IL20RB: variants seen among roughly 807,000 people sequenced by gnomAD.
The protein encoded by IL20RB is interleukin-20 receptor subunit beta.
IL20RB carries 21 observed loss-of-function variants against 33.3 expected under a neutral mutation model. That is an observed-to-expected ratio of 0.63 (90% confidence interval 0.45 to 0.91). The LOEUF (loss-of-function observed/expected upper bound fraction) is 0.91. Ranked by LOEUF, IL20RB falls within the 40% of genes least tolerant of loss-of-function variation. The pLI is 0.00. For synonymous variants in IL20RB, 147 were observed against 146.8 expected, an observed-to-expected ratio of 1.00 and a Z score of -0.01; for missense variants, 345 against 384.8, an observed-to-expected ratio of 0.90 and a Z score of 0.86.
At chr3:136,963,616 G>T (rs184872332) in intron 1 of IL20RB, among the ~76,000 whole-genome samples, 63 of 150,704 alleles carry the variant, frequency 4.2e-4, no homozygotes, top group African/African-American at 1.5e-3. Context: ...TTTTAGATTG[G>T]ATTGTTTGAT....
chr3:136,981,949 A>T (rs994468548), intron 2 of IL20RB: 4 of 386,150 alleles, frequency 1.0e-5, no homozygotes, highest in Non-Finnish European at 1.9e-5. Flanking sequence ...AGACACATTG[A>T]TGTTTATGCC....
intron 1 of IL20RB, among the ~76,000 whole-genome samples, chr3:136,967,455 CTTCT>C (rs1316051508): frequency 6.4e-5 from 3 of 47,150 alleles, no homozygotes; most frequent in African/African-American, 8.9e-5. Context: ...ATGTAATGGC[CTTCT>C]TTGTCTCTTT....
At chr3:136,996,763 C>T (rs1942138045) in intron 6 of IL20RB, among the ~76,000 whole-genome samples, 1 of 152,156 alleles carries the variant, frequency 6.6e-6, no homozygotes, top group African/African-American at 2.4e-5. Context: ...TAAAGCTTGG[C>T]AGTGTCCTTT....
At chr3:136,985,579 C>T (rs768948124) in intron 3 of IL20RB, among the ~76,000 whole-genome samples, 15 of 152,194 alleles carry the variant, frequency 9.9e-5, no homozygotes, top group Admixed American at 2.6e-4. Flanking sequence ...TCAGGTGATC[C>T]GCCCACCTCA....
chr3:137,000,052 G>A (rs1942210826), intron 6 of IL20RB, among the ~76,000 whole-genome samples: 1 of 152,096 alleles, frequency 6.6e-6, no homozygotes, highest in South Asian at 2.1e-4. Flanking sequence ...TGTATGTCTA[G>A]TGATTTTGGA....
chr3:136,995,306 G>A (rs1235120878), intron 5 of IL20RB, 108 bp from the exon 6 acceptor site: 40 of 1,299,616 alleles, frequency 3.1e-5, no homozygotes, highest in East Asian at 2.3e-4. Context: ...GTTATCTGCC[G>A]TCTTAGCCAA....
rs1167098943 is a variant in IL20RB at position 137,010,341 on chromosome 3, G to A, written c.*118G>A. Reference sequence around the variant, plus strand: ...ACAAGGGATGAGAGAAGTAGGAAGAGCCTGTTGTCTACAAGTCTAGAAGCA... The same window carrying A: ...ACAAGGGATGAGAGAAGTAGGAAGAACCTGTTGTCTACAAGTCTAGAAGCA... On this transcript the variant is annotated 3_prime_UTR_variant, in exon 7 of 7. Coordinates refer to ENST00000329582, the MANE Select transcript of IL20RB (RefSeq NM_144717.4). 3.0e-6 allele frequency: 2 copies of A among 655,850 alleles called. No homozygotes were observed. Among genetic ancestry groups the A allele is most frequent in the Admixed American group, 5.1e-5 (2 of 38,940 alleles). 40.6% of individuals were successfully genotyped at this position (655,850 alleles called of 1,614,324 possible). A position where few individuals can be genotyped will look rare whatever the true frequency, so the allele number is the denominator to read the frequency against.
intron 3 of IL20RB, among the ~76,000 whole-genome samples, chr3:136,988,215 A>G (rs565851980): frequency 2.1e-3 from 325 of 152,290 alleles, no homozygotes; most frequent in Non-Finnish European, 3.8e-3. Context: ...ATCCAAGACC[A>G]GTGATCAGGG....
In IL20RB at chr3:137,010,179, G is replaced by C; in HGVS notation, c.892G>C (p.Ala298Pro). 6.2e-7 allele frequency: 1 copy of C among 1,607,716 alleles called. No individual in the cohort carries two copies. Among genetic ancestry groups the C allele is most frequent in the Non-Finnish European group, 8.5e-7 (1 of 1,174,218 alleles). Reference protein sequence around the residue: ...RREEVDACATAVMSPEELLRA... With the variant: ...RREEVDACATPVMSPEELLRA... ...GGAGGAGGTGGATGCCTGTGCCACG[G>C]CTGTGATGTCTCCTGAGGAACTCCT... Residue 298 changes from alanine (A) to proline (P), a missense_variant, in exon 7 of 7, where the codon GCT becomes CCT. Ala to Pro is a conservative substitution (Grantham distance 27). Transcript: ENST00000329582.
intron 3 of IL20RB, among the ~76,000 whole-genome samples, chr3:136,985,413 C>T (rs779962761): frequency 6.6e-6 from 1 of 151,092 alleles, no homozygotes; most frequent in African/African-American, 2.4e-5. Flanking sequence ...TCTTAGCTCA[C>T]TGCAACCTCC....
chr3:136,995,305 C>T (rs533799344), intron 5 of IL20RB, 109 bp from the exon 6 acceptor site: 57 of 1,248,852 alleles, frequency 4.6e-5, no homozygotes, highest in East Asian at 1.9e-4. Context: ...TGTTATCTGC[C>T]GTCTTAGCCA....
intron 3 of IL20RB, among the ~76,000 whole-genome samples, chr3:136,987,114 G>T (rs1941920517): frequency 6.6e-6 from 1 of 152,142 alleles, no homozygotes; most frequent in Admixed American, 6.5e-5. Context: ...CCACAGTGTG[G>T]AAGGGGACCC....
chr3:136,979,885 A>G (rs1369414148), intron 1 of IL20RB, among the ~76,000 whole-genome samples: 1 of 152,244 alleles, frequency 6.6e-6, no homozygotes. Context: ...GGAGGTGATG[A>G]GAATGTTGCA....
chr3:136,987,628 T>G (rs1181598030), intron 3 of IL20RB, among the ~76,000 whole-genome samples: 2 of 151,848 alleles, frequency 1.3e-5, no homozygotes, highest in Non-Finnish European at 2.9e-5. Context: ...CTGGGCGCCG[T>G]GGAGCAGGGG....
chr3:136,998,893 AT>A (rs1033221173), intron 6 of IL20RB, among the ~76,000 whole-genome samples: 1 of 151,964 alleles, frequency 6.6e-6, no homozygotes, highest in African/African-American at 2.4e-5. Context: ...AACATCCATG[AT>A]TTTTTTAACA....
At chr3:136,963,686 T>C (rs1482207806) in intron 1 of IL20RB, among the ~76,000 whole-genome samples, 10 of 92,198 alleles carry the variant, frequency 1.1e-4, no homozygotes, top group African/African-American at 4.3e-4. Context: ...TCTTTTTTTT[T>C]TTTTTTATTT....
In IL20RB at chr3:137,010,399, A is replaced by T; in HGVS notation, c.*176A>T. On this transcript the variant is annotated 3_prime_UTR_variant, in exon 7 of 7. Coordinates refer to ENST00000329582, the MANE Select transcript of IL20RB (RefSeq NM_144717.4). ...GAGGCAGGGTGGTTTGTCTAACAGA[A>T]CACTGACTGAGGCTTAGGGGATGTG... 1 of 556,580 alleles carries T rather than the reference A, an allele frequency of 1.8e-6. No individual in the cohort carries two copies. The highest frequency in any genetic ancestry group is 2.4e-5 in the South Asian group (1 of 40,886). 34.5% of individuals were successfully genotyped at this position (556,580 alleles called of 1,614,324 possible). A position where few individuals can be genotyped will look rare whatever the true frequency, so the allele number is the denominator to read the frequency against.
intron 2 of IL20RB, 139 bp downstream of exon 2, chr3:136,980,731 T>C (rs1941751084): frequency 2.5e-6 from 2 of 796,742 alleles, no homozygotes; most frequent in Non-Finnish European, 2.0e-6. Flanking sequence ...TCTGTCTGCA[T>C]AGGCATTGAA....
At chr3:137,001,666 G>A (rs1326876468) in intron 6 of IL20RB, among the ~76,000 whole-genome samples, 3 of 152,284 alleles carry the variant, frequency 2.0e-5, no homozygotes, top group Admixed American at 6.5e-5. Context: ...CTGTATGGAC[G>A]AAACATTTCA....
Sources: gnomAD v4.1 joint callset for allele counts (sites outside exome capture counted in the v4.1 genomes callset) on GRCh38, gnomAD v4.1.1 for gene constraint, MANE v1.5 for transcripts, NCBI Gene and HGNC (gene_info 2026-07-23, HGNC 2026-07-21) for gene names.